Variants in SGCZ observed in about 807,000 individuals in gnomAD.
The protein encoded by SGCZ is zeta-sarcoglycan.
SGCZ carries 40 observed loss-of-function variants against 41.3 expected under a neutral mutation model. That is an observed-to-expected ratio of 0.97 (90% CI 0.75 to 1.26). The LOEUF (loss-of-function observed/expected upper bound fraction) is 1.26. SGCZ is among the 50% of genes most tolerant of loss of function. The pLI is 0.00. For missense variants in SGCZ, 552 were observed against 369.8 expected (o/e 1.49, Z -4.04); for synonymous variants, 206 against 137.5 (o/e 1.50, Z -3.49).
intron 1 of SGCZ, among the ~76,000 whole-genome samples, chr8:15,148,491 C>T (rs1044760186): frequency 6.6e-6 from 1 of 152,196 alleles, no homozygotes; most frequent in African/African-American, 2.4e-5. Context: ...ATTAGCAAAT[C>T]GAAGGTTGAA....
intron 2 of SGCZ, among the ~76,000 whole-genome samples, chr8:14,450,664 A>G (rs1323710557): frequency 1.3e-5 from 2 of 152,180 alleles, no homozygotes; most frequent in Non-Finnish European, 1.5e-5. Context: ...GTAAAACCAT[A>G]CCATAGTGAC....
At chr8:15,114,545 A>T (rs1281941995) in intron 1 of SGCZ, among the ~76,000 whole-genome samples, 1 of 152,198 alleles carries the variant, frequency 6.6e-6, no homozygotes, top group Non-Finnish European at 1.5e-5. Flanking sequence ...GATTAACAAA[A>T]ATTGTTTTGT....
intron 1 of SGCZ, among the ~76,000 whole-genome samples, chr8:15,127,796 A>G (rs1182919695): frequency 1.3e-5 from 2 of 152,226 alleles, no homozygotes; most frequent in African/African-American, 2.4e-5. Context: ...AACACAAAAT[A>G]AATAGAAAAG....
chr8:15,189,345 G>GT, intron 1 of SGCZ, among the ~76,000 whole-genome samples: 1 of 152,220 alleles, frequency 6.6e-6, no homozygotes, highest in East Asian at 1.9e-4. Flanking sequence ...GCAAACATAC[G>GT]TTTTCTCTAG....
In SGCZ at chr8:14,687,177, T is replaced by A. The variant is rs892686583; in HGVS notation, c.40-132251A>T. Among the ~76,000 whole-genome samples the A allele has an allele frequency of 6.3e-4, 93 of 147,148 alleles. 2 individuals carry two copies. The highest frequency in any genetic ancestry group is 2.2e-3 in the African/African-American group (91 of 40,676). On this transcript the variant is annotated intron_variant, in intron 1 of 7. Coordinates refer to ENST00000382080, the MANE Select transcript of SGCZ (RefSeq NM_139167.4). ...TCACTTTAAAGAAAAAAAAAATATA[T>A]ATATATATATATATTTTAATTTTAT...
At chr8:14,337,494 A>G (rs993000924) in intron 2 of SGCZ, among the ~76,000 whole-genome samples, 10 of 152,166 alleles carry the variant, frequency 6.6e-5, no homozygotes, top group African/African-American at 2.4e-4. Context: ...GGAAAGGACT[A>G]CAGGAGACGA....
intron 2 of SGCZ, among the ~76,000 whole-genome samples, chr8:14,492,743 T>A (rs1169498322): frequency 6.6e-6 from 1 of 152,194 alleles, no homozygotes; most frequent in African/African-American, 2.4e-5. Flanking sequence ...AAAAGTTCCA[T>A]TTCGTGATAC....
intron 1 of SGCZ, among the ~76,000 whole-genome samples, chr8:14,819,762 A>G (rs1159278099): frequency 6.6e-6 from 1 of 152,180 alleles, no homozygotes; most frequent in Non-Finnish European, 1.5e-5. Context: ...GAGTATTTCT[A>G]TGTGACCAAA....
intron 2 of SGCZ, among the ~76,000 whole-genome samples, chr8:14,496,860 G>A (rs765690975): frequency 6.6e-6 from 1 of 152,160 alleles, no homozygotes; most frequent in South Asian, 2.1e-4. Flanking sequence ...TTCTTAAAGA[G>A]TATTATGATA....
At chr8:14,136,374 G>A (rs1026152535) in intron 5 of SGCZ, among the ~76,000 whole-genome samples, 3 of 152,176 alleles carry the variant, frequency 2.0e-5, no homozygotes, top group African/African-American at 7.2e-5. Flanking sequence ...AGCTCAAGGG[G>A]TCAGAGAATT....
At chr8:14,869,532 A>T (rs771562889) in intron 1 of SGCZ, among the ~76,000 whole-genome samples, 21 of 152,178 alleles carry the variant, frequency 1.4e-4, no homozygotes, top group Non-Finnish European at 2.2e-4. Flanking sequence ...CTGACACAAG[A>T]CAAGGACGCC....
intron 5 of SGCZ, among the ~76,000 whole-genome samples, chr8:14,123,556 T>C (rs28420511): frequency 0.016 from 2,483 of 152,292 alleles, 69 homozygotes; most frequent in African/African-American, 0.056. Flanking sequence ...TCCAGAGCCA[T>C]GACCAAGACC....
chr8:14,826,489 G>C (rs148350446), intron 1 of SGCZ, among the ~76,000 whole-genome samples: 4,442 of 152,098 alleles, frequency 0.029, 187 homozygotes, highest in African/African-American at 0.093. Context: ...TCTAGTTCTA[G>C]ATCCCTGAGG....
intron 3 of SGCZ, among the ~76,000 whole-genome samples, chr8:14,312,784 A>G (rs1801591423): frequency 6.6e-6 from 1 of 152,196 alleles, no homozygotes; most frequent in Admixed American, 6.6e-5. Context: ...CATCAATATG[A>G]TATGGCTCCA....
At chr8:15,011,468 G>A (rs1157883777) in intron 1 of SGCZ, among the ~76,000 whole-genome samples, 1 of 152,070 alleles carries the variant, frequency 6.6e-6, no homozygotes, top group African/African-American at 2.4e-5. Flanking sequence ...TTTTTCCAAA[G>A]ATTTTATAAA....
chr8:14,404,672 G>A (rs28588464), intron 2 of SGCZ, among the ~76,000 whole-genome samples: 5,399 of 152,248 alleles, frequency 0.035, 315 homozygotes, highest in African/African-American at 0.12. Flanking sequence ...TCTTAGACCA[G>A]TTCTTTCTCC....
intron 2 of SGCZ, among the ~76,000 whole-genome samples, chr8:14,534,082 T>C (rs969750091): frequency 5.3e-5 from 8 of 151,932 alleles, no homozygotes; most frequent in Non-Finnish European, 1.0e-4. Context: ...CAAATGTGAA[T>C]TGGGCTAAAA....
intron 1 of SGCZ, among the ~76,000 whole-genome samples, chr8:15,224,351 G>A (rs1019980035): frequency 5.3e-5 from 8 of 152,074 alleles, no homozygotes; most frequent in Admixed American, 2.0e-4. Context: ...TTTCTCATTT[G>A]CAACATGAGA....
chr8:14,385,261 A>G (rs954835649), intron 2 of SGCZ, among the ~76,000 whole-genome samples: 2 of 152,152 alleles, frequency 1.3e-5, no homozygotes, highest in African/African-American at 4.8e-5. Flanking sequence ...GTACACTATT[A>G]AGAGAATCCT....
Sources: allele counts gnomAD v4.1 joint callset (sites outside exome capture counted in the v4.1 genomes callset), GRCh38; gene constraint gnomAD v4.1.1; transcripts MANE v1.5; gene names NCBI Gene and HGNC (gene_info 2026-07-23, HGNC 2026-07-21).